SLF2: variants seen among roughly 807,000 people sequenced by gnomAD.
The protein encoded by SLF2 is SMC5/6 complex localization factor 2, also known as SMC5-SMC6 complex localization factor protein 2.
In SLF2, 68 loss-of-function variants were observed where a neutral mutation model predicts 124.3. That is an observed-to-expected ratio of 0.55 (90% CI 0.45 to 0.67). The LOEUF (loss-of-function observed/expected upper bound fraction) is 0.67. SLF2 is among the 30% of genes least tolerant of loss of function. The probability of loss-of-function intolerance (pLI) is 0.00; values close to 1 mark genes in which losing one functional copy is unlikely to be tolerated. For missense variants in SLF2, 1,246 were observed against 1,373.7 expected (o/e 0.91, Z 1.47); for synonymous variants, 480 against 478.8 (o/e 1.00, Z -0.03).
chr10:100,918,656 C>G (rs1263828211), intron 4 of SLF2, among the ~76,000 whole-genome samples: 4 of 152,176 alleles, frequency 2.6e-5, no homozygotes, highest in African/African-American at 7.2e-5. Flanking sequence ...GGGTCTTACT[C>G]TGTCACCCAG....
Position 100,937,844 on chromosome 10 carries a change from G to A in SLF2, c.2512+367G>A, listed in dbSNP as rs150383750. On this transcript the variant is annotated intron_variant, in intron 10 of 19. Transcript: ENST00000238961. ...AGGCTGGTCTGGAACTCCTGAGCTC[G>A]GGCAATTTACCCATCTTGGCCTCCC... 2.5e-3 allele frequency among the ~76,000 whole-genome samples: 380 copies of A among 152,052 alleles called. 3 individuals are homozygous for A. Among genetic ancestry groups the A allele is most frequent in the African/African-American group, 8.9e-3 (369 of 41,486 alleles).
At chr10:100,951,682 A>T (rs538191946) in intron 17 of SLF2, among the ~76,000 whole-genome samples, 2 of 152,266 alleles carry the variant, frequency 1.3e-5, no homozygotes, top group Admixed American at 1.3e-4. Context: ...TCATTTTCAG[A>T]GTATGCTTTA....
intron 12 of SLF2, 127 bp downstream of exon 12, chr10:100,944,255 G>A: frequency 3.7e-6 from 2 of 539,718 alleles, no homozygotes; most frequent in Non-Finnish European, 6.4e-6. Context: ...CAGCACTTTG[G>A]GAGGCCAGGG....
At chr10:100,954,482 T>C (rs1850287466) in intron 17 of SLF2, among the ~76,000 whole-genome samples, 1 of 152,154 alleles carries the variant, frequency 6.6e-6, no homozygotes, top group South Asian at 2.1e-4. Flanking sequence ...TTTAATTATT[T>C]TAAATCGCTA....
At chr10:100,939,715 A>G (rs1243586650) in intron 11 of SLF2, among the ~76,000 whole-genome samples, 1 of 152,150 alleles carries the variant, frequency 6.6e-6, no homozygotes, top group Non-Finnish European at 1.5e-5. Context: ...CAAAGTATTA[A>G]TTTCAAGTCA....
intron 9 of SLF2, among the ~76,000 whole-genome samples, chr10:100,933,539 A>G (rs757851750): frequency 6.6e-5 from 10 of 151,984 alleles, no homozygotes; most frequent in Non-Finnish European, 1.3e-4. Flanking sequence ...CATTTTTGTG[A>G]TTTTATCATG....
chr10:100,913,188 T>C lies in SLF2; in HGVS notation c.78T>C (p.His26=), dbSNP rs778091934. ...CGGGGTCGTCGCCCCCGCGCTGCCA[T>C]CTGAGACCCGGTAGTACCGCCCATG... ...PAPGSSPPRC[H]LRPGSTAHAA... is the part of the protein sequence containing the mutation. The change falls in exon 1 of 20, where the codon CAT becomes CAC. Residue 26 remains histidine, a synonymous_variant. Coordinates refer to ENST00000238961, the MANE Select transcript of SLF2 (RefSeq NM_018121.4). 3 of 1,613,056 alleles carry C rather than the reference T, an allele frequency of 1.9e-6. No homozygotes were observed. Among genetic ancestry groups the C allele is most frequent in the Non-Finnish European group, 2.5e-6 (3 of 1,179,664 alleles).
chr10:100,944,020 CA>C lies in SLF2; in HGVS notation c.2655-4del, dbSNP rs763765676. 6.6e-5 allele frequency: 105 copies of C among 1,595,650 alleles called. No individual in the cohort carries two copies. The highest frequency in any genetic ancestry group is 8.7e-5 in the Non-Finnish European group (102 of 1,170,380). ...ACTTCACATTGCTTTACTCACTTCT[CA>C]ATAGTTCTGAAACACAGACAACATC... is the stretch of plus-strand genomic sequence containing the variant. On this transcript the variant is annotated splice_polypyrimidine_tract_variant and splice_region_variant and intron_variant, in intron 11 of 19. Transcript: ENST00000238961.
At chr10:100,922,432 A>G (rs1035082720) in intron 4 of SLF2, among the ~76,000 whole-genome samples, 1 of 152,010 alleles carries the variant, frequency 6.6e-6, no homozygotes, top group African/African-American at 2.4e-5. Context: ...GCAGGGTTTC[A>G]CCTGAGCTCA....
rs761160528 is a variant in SLF2 at position 100,944,028 on chromosome 10, C to T, written c.2657C>T (p.Ser886Phe). Residue 886 changes from serine to phenylalanine, a missense_variant and splice_region_variant, in exon 12 of 20, where the codon TCT (serine) becomes TTT (phenylalanine). Ser to Phe is a radical substitution (Grantham distance 155, BLOSUM62 -2). This residue lies in a region of SLF2 where 535 missense variants were observed against 632.8 expected (regional missense o/e 0.85). Transcript: ENST00000238961. Reference protein sequence around the residue: ...QPDFNEDYLVSETQTTSRGKE... With the variant: ...QPDFNEDYLVFETQTTSRGKE... ...TTGCTTTACTCACTTCTCAATAGTT[C>T]TGAAACACAGACAACATCAAGGGGG... 23 of 1,605,034 alleles carry T rather than the reference C, an allele frequency of 1.4e-5. No homozygotes were observed. Among genetic ancestry groups the T allele is most frequent in the Admixed American group, 3.4e-5 (2 of 58,100 alleles).
chr10:100,960,995 C>CTACTTTTTTTT, intron 19 of SLF2, among the ~76,000 whole-genome samples: 1 of 54,450 alleles, frequency 1.8e-5, no homozygotes, highest in Non-Finnish European at 3.6e-5. Flanking sequence ...ATATTCTGTA[C>CTACTTTTTTTT]TTCTTTTTTT....
At chr10:100,923,479 A>G (rs1242882392) in intron 4 of SLF2, among the ~76,000 whole-genome samples, 3 of 150,696 alleles carry the variant, frequency 2.0e-5, no homozygotes, top group Admixed American at 2.0e-4. Context: ...ACCTTTTGTA[A>G]GTACACCAGT....
intron 12 of SLF2, 74 bp from the exon 13 acceptor site, chr10:100,945,256 G>T: frequency 8.0e-7 from 1 of 1,243,638 alleles, no homozygotes; most frequent in South Asian, 1.6e-5. Context: ...TTGTCAAAAA[G>T]AGTTTATAAT....
chr10:100,913,874 T>C (rs1849369020), intron 1 of SLF2: 1 of 985,208 alleles, frequency 1.0e-6, no homozygotes, highest in Non-Finnish European at 1.2e-6. Flanking sequence ...ATAAAACATG[T>C]TTAAATTCCC....
chr10:100,954,319 C>A (rs1332166810), intron 17 of SLF2, among the ~76,000 whole-genome samples: 1 of 151,974 alleles, frequency 6.6e-6, no homozygotes, highest in African/African-American at 2.4e-5. Context: ...TATTTTGAAA[C>A]CTTTATTGAT....
At chr10:100,944,266 C>T (rs979579452) in intron 12 of SLF2, 138 bp downstream of exon 12, 38 of 501,664 alleles carry the variant, frequency 7.6e-5, no homozygotes, top group Middle Eastern at 1.1e-3. Flanking sequence ...GAGGCCAGGG[C>T]GGGCAGATCA....
In SLF2 at chr10:100,950,769, T is replaced by C. The variant is rs1399197342; in HGVS notation, c.3330+16T>C. The C allele has an allele frequency of 6.2e-7, 1 of 1,601,668 alleles. No homozygotes were observed. The highest frequency in any genetic ancestry group is 8.6e-7 in the Non-Finnish European group (1 of 1,168,796). ...TGGACAACGGGTAGGTAGTGTTTAG[T>C]GTTGTTGCTGCTGTTTTTAAATAGG... On this transcript the variant is annotated intron_variant, in intron 17 of 19. Coordinates refer to ENST00000238961, the MANE Select transcript of SLF2 (RefSeq NM_018121.4).
rs752672211 is a variant in SLF2 at position 100,931,085 on chromosome 10, G to T, written c.2436+7G>T. On this transcript the variant is annotated splice_region_variant and intron_variant, in intron 9 of 19. Coordinates refer to ENST00000238961, the MANE Select transcript of SLF2 (RefSeq NM_018121.4). ...GTTAAAGTGGCTGTTTCGGGTAAGA[G>T]GAATGTTTAGAGGGTTATAGTTGCC... 6.2e-7 allele frequency: 1 copy of T among 1,602,302 alleles called. No individual in the cohort carries two copies. Among genetic ancestry groups the T allele is most frequent in the Non-Finnish European group, 8.5e-7 (1 of 1,170,598 alleles).
At position 100,929,302 on chromosome 10, in the gene SLF2, C is replaced by T. The variant is rs1437564767; in HGVS notation, c.2043-15C>T. On this transcript the variant is annotated splice_polypyrimidine_tract_variant and intron_variant, in intron 6 of 19. Transcript: ENST00000238961. ...TTTTAGAGTAAACTGTTATAACATT[C>T]TTTCCAATTCTCAGGCTAGATGAAC... 2 of 1,596,918 alleles carry T rather than the reference C, an allele frequency of 1.3e-6. No individual in the cohort carries two copies. Among genetic ancestry groups the T allele is most frequent in the African/African-American group, 2.7e-5 (2 of 73,734 alleles).
Sources: gnomAD v4.1 joint callset for allele counts (sites outside exome capture counted in the v4.1 genomes callset) on GRCh38, gnomAD v4.1.1 for gene constraint, gnomAD v4.1.1 regional missense constraint, MANE v1.5 for transcripts, NCBI Gene and HGNC (gene_info 2026-07-23, HGNC 2026-07-21) for gene names.